The following ST6GALNAC3 variants were observed in gnomAD, a reference collection of about 807,000 sequenced individuals.
ST6GALNAC3 encodes alpha-N-acetylgalactosaminide alpha-2,6-sialyltransferase 3.
In ST6GALNAC3, 25 loss-of-function variants were observed where a neutral mutation model predicts 32.7. The ratio of observed to expected loss-of-function variants is 0.76; its 90% CI spans 0.56 to 1.07. ST6GALNAC3 has a LOEUF of 1.07. ST6GALNAC3 is among the 50% of genes least tolerant of loss of function. The pLI, the probability that ST6GALNAC3 is intolerant of heterozygous loss-of-function variation, is 0.00. For missense variants in ST6GALNAC3, 355 were observed against 382.4 expected (o/e 0.93, Z 0.60); for synonymous variants, 129 against 133.1 (o/e 0.97, Z 0.21).
At chr1:76,310,578 C>T (rs1023063798) in intron 1 of ST6GALNAC3, among the ~76,000 whole-genome samples, 10 of 152,254 alleles carry the variant, frequency 6.6e-5, no homozygotes, top group African/African-American at 2.4e-4. Flanking sequence ...ATTGCCCATA[C>T]AGAGGCTGTG....
intron 1 of ST6GALNAC3, among the ~76,000 whole-genome samples, chr1:76,127,853 C>T (rs1285188223): frequency 6.6e-6 from 1 of 152,164 alleles, no homozygotes; most frequent in Non-Finnish European, 1.5e-5. Flanking sequence ...TGCACACCCT[C>T]CCATTGCTCT....
intron 3 of ST6GALNAC3, among the ~76,000 whole-genome samples, chr1:76,585,160 G>A (rs763008387): frequency 6.6e-5 from 10 of 152,172 alleles, no homozygotes; most frequent in Non-Finnish European, 1.2e-4. Flanking sequence ...CGAGGCAGGC[G>A]GATCACCTGA....
chr1:76,220,238 A>G (rs959299806), intron 1 of ST6GALNAC3, among the ~76,000 whole-genome samples: 2 of 152,194 alleles, frequency 1.3e-5, no homozygotes, highest in African/African-American at 2.4e-5. Context: ...CTGCTTCTAG[A>G]TGACTTCTTG....
chr1:76,295,399 T>TA (rs1009765265), intron 1 of ST6GALNAC3, among the ~76,000 whole-genome samples: 10 of 152,234 alleles, frequency 6.6e-5, no homozygotes, highest in African/African-American at 2.4e-4. Context: ...GGCAGGGTGT[T>TA]AGAATCTGTG....
intron 3 of ST6GALNAC3, among the ~76,000 whole-genome samples, chr1:76,579,687 TC>T (rs1646864204): frequency 6.6e-6 from 1 of 152,076 alleles, no homozygotes; most frequent in South Asian, 2.1e-4. Flanking sequence ...TCCTGTAGCT[TC>T]TCACAGTCTA....
At chr1:76,098,688 T>G (rs1557611434) in intron 1 of ST6GALNAC3, among the ~76,000 whole-genome samples, 2 of 152,142 alleles carry the variant, frequency 1.3e-5, no homozygotes, top group South Asian at 4.1e-4. Flanking sequence ...TATTTTCCAA[T>G]CATATGTGTT....
At chr1:76,291,370 C>T (rs1249586690) in intron 1 of ST6GALNAC3, among the ~76,000 whole-genome samples, 1 of 152,236 alleles carries the variant, frequency 6.6e-6, no homozygotes, top group East Asian at 1.9e-4. Context: ...AGAGGGATTC[C>T]TGCCGGAGCA....
chr1:76,585,361 G>C (rs1646946602), intron 3 of ST6GALNAC3, among the ~76,000 whole-genome samples: 1 of 150,750 alleles, frequency 6.6e-6, no homozygotes, highest in South Asian at 2.1e-4. Context: ...ACTCCAGTCT[G>C]GGTGACAGAG....
Position 76,627,528 on chromosome 1 carries a change from G to A in ST6GALNAC3, c.700G>A (p.Val234Ile), listed in dbSNP as rs763231763. ...LAMDACYGIH[V>I]YGMINDTYCK... ...CATGGACGCCTGTTATGGCATTCAC[G>A]TCTACGGGATGATAAATGACACCTA... is the stretch of plus-strand genomic sequence containing the variant. The change falls in exon 4 of 5, where the codon GTC becomes ATC. Residue 234 changes from valine to isoleucine, a missense_variant. By Grantham distance (29) the Val-to-Ile change is conservative. Coordinates refer to ENST00000328299, the MANE Select transcript of ST6GALNAC3 (RefSeq NM_152996.4). 3.3e-5 allele frequency: 53 copies of A among 1,612,392 alleles called. No individual in the cohort carries two copies. Among genetic ancestry groups the A allele is most frequent in the African/African-American group, 8.0e-5 (6 of 74,732 alleles).
intron 3 of ST6GALNAC3, among the ~76,000 whole-genome samples, chr1:76,470,054 T>G (rs1161282897): frequency 6.6e-6 from 1 of 152,130 alleles, no homozygotes; most frequent in Non-Finnish European, 1.5e-5. Flanking sequence ...AAGACCAAGG[T>G]GTCACCATCT....
chr1:76,460,317 G>A (rs906324959), intron 3 of ST6GALNAC3, among the ~76,000 whole-genome samples: 4 of 151,984 alleles, frequency 2.6e-5, no homozygotes, highest in Non-Finnish European at 5.9e-5. Flanking sequence ...TTTTAAATTG[G>A]GTCGTTTGTC....
chr1:76,434,299 C>T (rs1391770296), intron 3 of ST6GALNAC3, among the ~76,000 whole-genome samples: 1 of 152,178 alleles, frequency 6.6e-6, no homozygotes, highest in Non-Finnish European at 1.5e-5. Context: ...TTTAAATTCA[C>T]AGTCCATTGT....
At chr1:76,607,728 C>G (rs1199363754) in intron 3 of ST6GALNAC3, among the ~76,000 whole-genome samples, 2 of 152,056 alleles carry the variant, frequency 1.3e-5, no homozygotes, top group Non-Finnish European at 2.9e-5. Flanking sequence ...GAGACAGAAC[C>G]AAAGTGCAAG....
rs1649227775 is a variant in ST6GALNAC3 at position 76,630,329 on chromosome 1, T to C, written c.*1523T>C. Reference sequence around the variant, plus strand: ...TGAGAAGTTTTTCTATATACGTATATATACACGTGTGGTTCTATTTAGGTG... The same window carrying C: ...TGAGAAGTTTTTCTATATACGTATACATACACGTGTGGTTCTATTTAGGTG... On this transcript the variant is annotated 3_prime_UTR_variant, in exon 5 of 5. Coordinates refer to ENST00000328299, the MANE Select transcript of ST6GALNAC3 (RefSeq NM_152996.4). 1 of 985,186 alleles carries C rather than the reference T, an allele frequency of 1.0e-6. No individual in the cohort carries two copies. Among genetic ancestry groups the C allele is most frequent in the Non-Finnish European group, 1.2e-6 (1 of 829,804 alleles). 61.0% of individuals were successfully genotyped at this position (985,186 alleles called of 1,614,324 possible). A position where few individuals can be genotyped will look rare whatever the true frequency, so the allele number is the denominator to read the frequency against.
intron 3 of ST6GALNAC3, among the ~76,000 whole-genome samples, chr1:76,459,673 C>T (rs1409012173): frequency 2.0e-5 from 3 of 152,038 alleles, no homozygotes; most frequent in Non-Finnish European, 2.9e-5. Context: ...TGAAAATTGC[C>T]AGGGGAGTGG....
At chr1:76,154,160 T>C (rs1299032149) in intron 1 of ST6GALNAC3, among the ~76,000 whole-genome samples, 1 of 152,046 alleles carries the variant, frequency 6.6e-6, no homozygotes, top group Non-Finnish European at 1.5e-5. Flanking sequence ...TGGACAATTC[T>C]CTTGGAACAC....
At chr1:76,547,427 C>T (rs1227287926) in intron 3 of ST6GALNAC3, among the ~76,000 whole-genome samples, 3 of 152,164 alleles carry the variant, frequency 2.0e-5, no homozygotes, top group African/African-American at 7.2e-5. Flanking sequence ...GCCTAAGACA[C>T]GGTTGACTAG....
In ST6GALNAC3 at chr1:76,439,327, T is replaced by C. The variant is rs547761896; in HGVS notation, c.623+26910T>C. 2.0e-5 allele frequency among the ~76,000 whole-genome samples: 3 copies of C among 152,304 alleles called. No individual in the cohort carries two copies. In the South Asian group the frequency reaches 6.2e-4, roughly 32 times the overall value. ...TTACTGTCAAAACTGAACTAAGCTG[T>C]TCCAAGAGGCTCTTAACTCTCCCTA... On this transcript the variant is annotated intron_variant, in intron 3 of 4. Coordinates refer to ENST00000328299, the MANE Select transcript of ST6GALNAC3 (RefSeq NM_152996.4).
At chr1:76,263,529 T>G (rs2100735100) in intron 1 of ST6GALNAC3, among the ~76,000 whole-genome samples, 1 of 152,272 alleles carries the variant, frequency 6.6e-6, no homozygotes, top group South Asian at 2.1e-4. Context: ...GGTAGCTCAG[T>G]TAAGTGTGGA....
Sources: gnomAD v4.1 joint callset for allele counts (sites outside exome capture counted in the v4.1 genomes callset) on GRCh38, gnomAD v4.1.1 for gene constraint, MANE v1.5 for transcripts, NCBI Gene and HGNC (gene_info 2026-07-23, HGNC 2026-07-21) for gene names.